BTBD10: variants seen among roughly 807,000 people sequenced by gnomAD.
BTBD10 encodes the protein BTB/POZ domain-containing protein 10.
Under a neutral mutation model 53.2 loss-of-function variants are expected in BTBD10, and 21 were observed. The ratio of observed to expected loss-of-function variants is 0.39; its 90% CI spans 0.28 to 0.57. BTBD10 has a LOEUF of 0.57. BTBD10 is among the 20% of genes least tolerant of loss of function. BTBD10 has a pLI of 0.53. For missense variants in BTBD10, 360 were observed against 594.7 expected, an observed-to-expected ratio of 0.61 and a Z score of 4.10; for synonymous variants, 149 against 192.7, an observed-to-expected ratio of 0.77 and a Z score of 1.88.
intron 1 of BTBD10, among the ~76,000 whole-genome samples, chr11:13,456,244 C>A (rs1950965709): frequency 6.6e-6 from 1 of 151,838 alleles, no homozygotes; most frequent in African/African-American, 2.4e-5. Flanking sequence ...ACAAACCAAC[C>A]AATAGAAGAG....
chr11:13,407,141 C>A (rs918161870), intron 6 of BTBD10, among the ~76,000 whole-genome samples: 16 of 152,156 alleles, frequency 1.1e-4, no homozygotes. Context: ...ATCTCTGATA[C>A]CATTATCCCT....
chr11:13,418,854 C>T (rs758859644), intron 4 of BTBD10, among the ~76,000 whole-genome samples: 2 of 151,960 alleles, frequency 1.3e-5, no homozygotes, highest in Non-Finnish European at 1.5e-5. Flanking sequence ...TGTCTATATC[C>T]TTCTTAGACT....
chr11:13,398,642 G>A (rs895726277), intron 8 of BTBD10, among the ~76,000 whole-genome samples: 5 of 152,182 alleles, frequency 3.3e-5, no homozygotes, highest in Admixed American at 3.3e-4. Context: ...TAGCCTTGAT[G>A]GTGTTTACAA....
intron 2 of BTBD10, among the ~76,000 whole-genome samples, chr11:13,432,628 T>C (rs894475171): frequency 1.3e-5 from 2 of 151,826 alleles, no homozygotes; most frequent in Non-Finnish European, 2.9e-5. Context: ...AAAACTGTAA[T>C]AAATTCAGTA....
At chr11:13,405,550 G>C in intron 7 of BTBD10, 109 bp downstream of exon 7, 1 of 1,163,436 alleles carries the variant, frequency 8.6e-7, no homozygotes, top group East Asian at 2.4e-5. Context: ...AAAAATAGGT[G>C]ATGGGCTGGA....
chr11:13,414,951 G>A (rs981212990), intron 5 of BTBD10, among the ~76,000 whole-genome samples: 2 of 151,616 alleles, frequency 1.3e-5, no homozygotes, highest in Non-Finnish European at 2.9e-5. Flanking sequence ...CAATGGAAGT[G>A]AAACATCTTC....
chr11:13,407,092 A>C (rs1949848358), intron 6 of BTBD10, among the ~76,000 whole-genome samples: 1 of 151,902 alleles, frequency 6.6e-6, no homozygotes, highest in Admixed American at 6.6e-5. Flanking sequence ...AATCTCCTAC[A>C]ATGGAACACT....
chr11:13,421,620 A>G (rs1950243359), intron 3 of BTBD10, 22 bp downstream of exon 3: 6 of 1,591,066 alleles, frequency 3.8e-6, no homozygotes, highest in African/African-American at 1.3e-5. Context: ...AACTGTTAGG[A>G]AGGTTAGTTG....
intron 1 of BTBD10, among the ~76,000 whole-genome samples, chr11:13,448,098 T>C (rs1421539078): frequency 2.0e-5 from 3 of 152,212 alleles, no homozygotes; most frequent in African/African-American, 7.2e-5. Context: ...TTTCATTCAT[T>C]CATTCAAGCA....
chr11:13,395,487 G>C (rs923363445), intron 8 of BTBD10, among the ~76,000 whole-genome samples: 1 of 152,144 alleles, frequency 6.6e-6, no homozygotes, highest in African/African-American at 2.4e-5. Flanking sequence ...CATCCTGTAG[G>C]TTGCCTGTTC....
intron 6 of BTBD10, among the ~76,000 whole-genome samples, chr11:13,409,636 T>C (rs1489534757): frequency 1.3e-5 from 2 of 152,194 alleles, no homozygotes; most frequent in African/African-American, 2.4e-5. Context: ...ACTGCTTCTA[T>C]GGTCAGCTTT....
chr11:13,435,608 TCA>T lies in BTBD10; in HGVS notation c.101+9414_101+9415del, dbSNP rs1950532857. ...CCCAGGTTCAGGCAATTCTCCTGCC[TCA>T]GACTCCCAAGTAGCTGGGACTACAG... On this transcript the variant is annotated intron_variant, in intron 2 of 8. Transcript: ENST00000278174. Among the ~76,000 whole-genome samples, 9 of 152,304 alleles carry T rather than the reference TCA, an allele frequency of 5.9e-5. No individual in the cohort carries two copies. The South Asian group carries it at 1.9e-3, about 32-fold the overall frequency.
In BTBD10 at chr11:13,388,656, C is replaced by T. The variant is rs1949318479; in HGVS notation, c.*175G>A. On this transcript the variant is annotated 3_prime_UTR_variant, in exon 9 of 9. Coordinates refer to ENST00000278174, the MANE Select transcript of BTBD10 (RefSeq NM_032320.7). ...AACTTCAAAATGCTAGAGTTGTACT[C>T]ATTTAAAAAAAAACCATTCAGCTAC... 1 of 623,144 alleles carries T rather than the reference C, an allele frequency of 1.6e-6. No individual in the cohort carries two copies. Among genetic ancestry groups the T allele is most frequent in the Non-Finnish European group, 2.7e-6 (1 of 372,430 alleles). The allele number at this position is 623,144 out of a possible 1,614,324, so 38.6% of individuals were successfully genotyped here. A position where few individuals can be genotyped will look rare whatever the true frequency, so the allele number is the denominator to read the frequency against.
chr11:13,389,057 A>G lies in BTBD10; in HGVS notation c.1202T>C (p.Ile401Thr), dbSNP rs755916930. ...TTCTTCCTTCTCCCAGGACATTCGAATAAAGGGTCTTTGGACATAGTTGTA... is the reference window on the plus strand; with the variant it reads ...TTCTTCCTTCTCCCAGGACATTCGAGTAAAGGGTCTTTGGACATAGTTGTA... ...VIYNYVQRPF[I>T]RMSWEKEEGK... Residue 401 changes from isoleucine (I) to threonine (T), a missense_variant, in exon 9 of 9, where the codon ATT (isoleucine) becomes ACT (threonine). Ile to Thr is a moderately conservative substitution (Grantham distance 89). Around this residue, in one of 6 missense-constraint regions of BTBD10, gnomAD observed 52 missense variants for 180.4 expected, o/e 0.29. Transcript: ENST00000278174. The G allele has an allele frequency of 1.2e-6, 2 of 1,614,118 alleles. No individual in the cohort carries two copies. The highest frequency in any genetic ancestry group is 3.3e-5 in the Admixed American group (2 of 60,030).
chr11:13,394,183 G>A (rs1565226757), intron 8 of BTBD10, among the ~76,000 whole-genome samples: 3 of 152,160 alleles, frequency 2.0e-5, no homozygotes, highest in Admixed American at 2.0e-4. Context: ...GGAGAGATGA[G>A]GTTGTCACCC....
chr11:13,400,410 G>C (rs1949685113), intron 8 of BTBD10, among the ~76,000 whole-genome samples: 1 of 152,200 alleles, frequency 6.6e-6, no homozygotes, highest in South Asian at 2.1e-4. Flanking sequence ...GCAGTATTAG[G>C]GTGGGAGTGA....
At chr11:13,403,957 C>T (rs1254117519) in intron 7 of BTBD10, among the ~76,000 whole-genome samples, 1 of 152,186 alleles carries the variant, frequency 6.6e-6, no homozygotes, top group African/African-American at 2.4e-5. Context: ...GGGAGTTAGA[C>T]TGATGGACAT....
chr11:13,420,441 CTG>C (rs1266529603), intron 3 of BTBD10, among the ~76,000 whole-genome samples: 2 of 151,828 alleles, frequency 1.3e-5, no homozygotes, highest in African/African-American at 4.8e-5. Flanking sequence ...TAATTACAGT[CTG>C]TAATTTTCAT....
At chr11:13,395,011 A>G (rs1310467248) in intron 8 of BTBD10, among the ~76,000 whole-genome samples, 2 of 150,750 alleles carry the variant, frequency 1.3e-5, no homozygotes, top group African/African-American at 2.4e-5. Flanking sequence ...ATACGTGTGC[A>G]TGTGTCTTTA....
Sources: allele counts gnomAD v4.1 joint callset (sites outside exome capture counted in the v4.1 genomes callset), GRCh38; gene constraint gnomAD v4.1.1; regional missense constraint gnomAD v4.1.1; transcripts MANE v1.5; gene names NCBI Gene and HGNC (gene_info 2026-07-23, HGNC 2026-07-21).